Variants in SSH1 observed in about 807,000 individuals in gnomAD.
SSH1 encodes slingshot protein phosphatase 1, also known as protein phosphatase Slingshot homolog 1.
Under a neutral mutation model 79.7 loss-of-function variants are expected in SSH1, and 43 were observed. The observed-to-expected ratio is 0.54, with a 90% CI of 0.42 to 0.70. The LOEUF is 0.70. Ranked by LOEUF, SSH1 falls within the 30% of genes least tolerant of loss-of-function variation. The pLI, the probability that SSH1 is intolerant of heterozygous loss-of-function variation, is 0.00. For synonymous variants in SSH1, 599 were observed against 538.3 expected, an observed-to-expected ratio of 1.11 and a Z score of -1.56; for missense variants, 1,206 against 1,358.8, an observed-to-expected ratio of 0.89 and a Z score of 1.77.
intron 14 of SSH1, among the ~76,000 whole-genome samples, chr12:108,791,084 A>G (rs779624408): frequency 4.6e-5 from 7 of 152,230 alleles, no homozygotes; most frequent in Non-Finnish European, 7.3e-5. Context: ...AAGGCTGGAT[A>G]CTTGACAACG....
chr12:108,804,554 C>G (rs143028316), intron 10 of SSH1, among the ~76,000 whole-genome samples: 4 of 152,310 alleles, frequency 2.6e-5, no homozygotes, highest in Admixed American at 6.5e-5. Flanking sequence ...GCCCTGGAGC[C>G]GTGCATGGAA....
chr12:108,848,911 C>T (rs766755328), intron 2 of SSH1, among the ~76,000 whole-genome samples: 1 of 152,176 alleles, frequency 6.6e-6, no homozygotes, highest in Non-Finnish European at 1.5e-5. Flanking sequence ...CCAGGAGGCA[C>T]CTGCCACCAG....
intron 7 of SSH1, among the ~76,000 whole-genome samples, chr12:108,808,392 C>A (rs2037396737): frequency 6.6e-6 from 1 of 152,184 alleles, no homozygotes; most frequent in South Asian, 2.1e-4. Context: ...GGCCAGAACA[C>A]CCCACATTAT....
intron 1 of SSH1, among the ~76,000 whole-genome samples, chr12:108,856,638 C>T (rs574799129): frequency 2.0e-4 from 31 of 152,310 alleles, no homozygotes; most frequent in African/African-American, 6.0e-4. Context: ...GACACGGGCA[C>T]GCCTACAGAC....
intron 2 of SSH1, among the ~76,000 whole-genome samples, chr12:108,844,029 C>G (rs139345878): frequency 1.2e-3 from 184 of 152,262 alleles, no homozygotes; most frequent in African/African-American, 4.2e-3. Flanking sequence ...ACGAATCATT[C>G]CCAACAGAAG....
intron 5 of SSH1, among the ~76,000 whole-genome samples, chr12:108,812,401 C>T (rs1449677029): frequency 6.6e-6 from 1 of 152,244 alleles, no homozygotes; most frequent in African/African-American, 2.4e-5. Flanking sequence ...GCCCTGAGAA[C>T]GTGCAGTCTA....
rs61739305 is a variant in SSH1, at chr12:108,788,995, G to C, written c.2143C>G (p.Leu715Val). The change falls in exon 15 of 15, where the codon CTA becomes GTA. Residue 715 changes from leucine (L) to valine (V), a missense_variant. Leu to Val is a conservative substitution (Grantham distance 32, BLOSUM62 1). Coordinates refer to ENST00000326495, the MANE Select transcript of SSH1 (RefSeq NM_018984.4). ...GCCCTCCTGGAGCCTGCTGGTGGTA[G>C]GAACGGGGGAGGTTCGGTTGGGCCA... Reference protein sequence around the residue: ...ASGPTEPPPFLPPAGSRRADT... With the variant: ...ASGPTEPPPFVPPAGSRRADT... 4.5e-3 allele frequency: 7,234 copies of C among 1,609,696 alleles called. 302 individuals carry two copies. In the African/African-American group the frequency reaches 0.086, roughly 19 times the overall value.
chr12:108,807,725 G>A lies in SSH1; in HGVS notation c.639C>T (p.Cys213=). ...ALIWATYYES[C]ISSEQSCINE... ...TGATGCAGCTCTGCTCGGAGCTGATGCAGCTCTCATAGTAGGTAGCCCAGA... is the reference window on the plus strand; with the variant it reads ...TGATGCAGCTCTGCTCGGAGCTGATACAGCTCTCATAGTAGGTAGCCCAGA... The change falls in exon 8 of 15, where the codon TGC becomes TGT. Residue 213 remains cysteine, a synonymous_variant. Coordinates refer to ENST00000326495, the MANE Select transcript of SSH1 (RefSeq NM_018984.4). This position sits in a 1 kb window ranked among gnomAD's most constrained non-coding sequence, Gnocchi z 5.2. 3 of 1,613,450 alleles carry A rather than the reference G, an allele frequency of 1.9e-6. No individual in the cohort carries two copies. The highest frequency in any genetic ancestry group is 2.5e-6 in the Non-Finnish European group (3 of 1,179,574).
Position 108,817,123 on chromosome 12 carries a change from G to T in SSH1, c.316C>A (p.Arg106=), listed in dbSNP as rs143523576. The T allele has an allele frequency of 1.2e-6, 2 of 1,614,156 alleles. No individual in the cohort carries two copies. The highest frequency in any genetic ancestry group is 2.2e-5 in the South Asian group (2 of 91,090). ...CTGCTGTACACCACCACCATGTACC[G>T]GACCCGGTCCGCCCAGGCGCTCTCC... is the stretch of plus-strand genomic sequence containing the variant. The part of the protein sequence containing the change: ...RLESAWADRV[R]YMVVVYSSGR... The change falls in exon 5 of 15, where the codon CGG becomes AGG. Residue 106 remains arginine (R), a synonymous_variant. Transcript: ENST00000326495.
chr12:108,789,308 G>A (rs933631), intron 14 of SSH1, 64 bp from the exon 15 acceptor site: 1 of 1,532,102 alleles, frequency 6.5e-7, no homozygotes, highest in Middle Eastern at 1.7e-4. Flanking sequence ...CCAAAAACAT[G>A]AGGGTGGGCA....
intron 14 of SSH1, among the ~76,000 whole-genome samples, chr12:108,789,810 G>A (rs2036426972): frequency 6.6e-6 from 1 of 152,130 alleles, no homozygotes; most frequent in South Asian, 2.1e-4. Flanking sequence ...GCACAGGACT[G>A]TAGGCTGGAG....
rs10659082 is a variant in SSH1, at chr12:108,779,099, C to CCAGA, written c.*8888_*8889insTCTG. On this transcript the variant is annotated 3_prime_UTR_variant, in exon 15 of 15. Coordinates refer to ENST00000326495, the MANE Select transcript of SSH1 (RefSeq NM_018984.4). ...GATAACAGGCGTCAAGCCACCGTGC[C>CCAGA]CAAATTTGTCTTTTAGAGTCGGATG... 0.32 allele frequency: 49,318 copies of CCAGA among 151,850 alleles called. 8,004 individuals are homozygous for CCAGA. Among genetic ancestry groups the CCAGA allele is most frequent in the South Asian group, 0.43 (2,069 of 4,818 alleles). The allele number at this position is 151,850 out of a possible 1,614,324, so 9.4% of individuals were successfully genotyped here. A position where few individuals can be genotyped will look rare whatever the true frequency, so the allele number is the denominator to read the frequency against.
At chr12:108,804,371 CCTCT>C (rs1289963412) in intron 10 of SSH1, among the ~76,000 whole-genome samples, 3 of 152,244 alleles carry the variant, frequency 2.0e-5, no homozygotes, top group Non-Finnish European at 2.9e-5. Context: ...CACCACTAGG[CCTCT>C]CTAATTTTAG....
chr12:108,803,597 T>C (rs1306111677), intron 10 of SSH1, among the ~76,000 whole-genome samples: 1 of 152,170 alleles, frequency 6.6e-6, no homozygotes, highest in Non-Finnish European at 1.5e-5. Flanking sequence ...AAAAATTCCT[T>C]TAGTATCTCT....
intron 3 of SSH1, among the ~76,000 whole-genome samples, chr12:108,820,392 A>C (rs1305154977): frequency 6.6e-6 from 1 of 152,192 alleles, no homozygotes; most frequent in Non-Finnish European, 1.5e-5. Context: ...CCAATGCAAC[A>C]CAACGACAAC....
At position 108,789,150 on chromosome 12, in the gene SSH1, G is replaced by T; in HGVS notation, c.1988C>A (p.Ala663Asp). The T allele has an allele frequency of 6.2e-7, 1 of 1,613,226 alleles. No homozygotes were observed. The highest frequency in any genetic ancestry group is 1.7e-5 in the Admixed American group (1 of 59,814). ...MYPTASGAPE[A>D]SRERCEDPNA... is the part of the protein sequence containing the mutation. ...GGGGTCCTCACATCGCTCCCTGGAG[G>T]CCTCAGGAGCCCCGCTGGCTGTAGG... Residue 663 changes from alanine (A) to aspartate (D), a missense_variant, in exon 15 of 15, where the codon GCC becomes GAC. Coordinates refer to ENST00000326495, the MANE Select transcript of SSH1 (RefSeq NM_018984.4).
Position 108,793,196 on chromosome 12 carries a change from C to T in SSH1, c.1350-367G>A, listed in dbSNP as rs554795165. 1.8e-4 allele frequency among the ~76,000 whole-genome samples: 28 copies of T among 152,136 alleles called. 1 individual carries two copies. The highest frequency in any genetic ancestry group is 3.8e-4 in the Non-Finnish European group (26 of 68,030). ...TTTCTCTGTCAAATAAGAATAACAA[C>T]GCTCTCCTACCTATATTGTAGGGAA... is the stretch of plus-strand genomic sequence containing the variant. On this transcript the variant is annotated intron_variant, in intron 13 of 14. Transcript: ENST00000326495.
intron 14 of SSH1, among the ~76,000 whole-genome samples, chr12:108,789,583 C>A (rs548859536): frequency 6.6e-6 from 1 of 152,254 alleles, no homozygotes; most frequent in Non-Finnish European, 1.5e-5. Context: ...CTGACAGGTA[C>A]CCAGTGGTCC....
At position 108,789,115 on chromosome 12, in the gene SSH1, C is replaced by T. The variant is rs148936887; in HGVS notation, c.2023G>A (p.Ala675Thr). ...AGGAAGGCTGGCTGGGTGCAGATGG[C>T]GGGAGCATTGGGGTCCTCACATCGC... Reference protein sequence around the residue: ...RERCEDPNAPAICTQPAFLPH... With the variant: ...RERCEDPNAPTICTQPAFLPH... Residue 675 changes from alanine (A) to threonine (T), a missense_variant, in exon 15 of 15, where the codon GCC (alanine) becomes ACC (threonine). Transcript: ENST00000326495. The T allele has an allele frequency of 6.4e-5, 103 of 1,613,862 alleles. No individual in the cohort carries two copies. Among genetic ancestry groups the T allele is most frequent in the African/African-American group, 4.3e-4 (32 of 75,006 alleles).
Sources: allele counts gnomAD v4.1 joint callset (sites outside exome capture counted in the v4.1 genomes callset), GRCh38; gene constraint gnomAD v4.1.1; non-coding constraint Gnocchi (gnomAD v3.1); transcripts MANE v1.5; gene names NCBI Gene and HGNC (gene_info 2026-07-23, HGNC 2026-07-21).